ARHGEF9: variants seen among roughly 807,000 people sequenced by gnomAD.
ARHGEF9 encodes Cdc42 guanine nucleotide exchange factor 9.
Under a neutral mutation model 41.3 loss-of-function variants are expected in ARHGEF9, and 2 were observed. The ratio of observed to expected loss-of-function variants is 0.05; its 90% CI spans 0.02 to 0.15. The LOEUF is 0.15. Ranked by LOEUF, ARHGEF9 falls within the 10% of genes least tolerant of loss-of-function variation. The probability of loss-of-function intolerance (pLI) is 1.00; values close to 1 mark genes in which losing one functional copy is unlikely to be tolerated. For missense variants in ARHGEF9, 225 were observed against 424.7 expected (o/e 0.53, Z 4.13); for synonymous variants, 160 against 154.4 (o/e 1.04, Z -0.27).
intron 1 of ARHGEF9, among the ~76,000 whole-genome samples, chrX:63,732,498 G>A (rs781996086): frequency 2.7e-5 from 3 of 111,172 alleles, no homozygotes; most frequent in South Asian, 3.9e-4. Context: ...TCTCCCAACC[G>A]GCTTCCTTGG....
intron 4 of ARHGEF9, among the ~76,000 whole-genome samples, chrX:63,694,777 G>A (rs1488783225): frequency 2.7e-5 from 3 of 111,345 alleles, no homozygotes; most frequent in Non-Finnish European, 5.7e-5. Flanking sequence ...TTATTATGGT[G>A]GTTACACAAC....
intron 1 of ARHGEF9, among the ~76,000 whole-genome samples, chrX:63,732,955 C>T (rs1214171299): frequency 6.3e-5 from 7 of 111,935 alleles, no homozygotes; most frequent in Non-Finnish European, 1.1e-4. Flanking sequence ...TCTCTGATGA[C>T]TCCAGGCTGC....
chrX:63,699,855 A>G (rs1556393319), intron 3 of ARHGEF9, among the ~76,000 whole-genome samples: 2 of 112,402 alleles, frequency 1.8e-5, no homozygotes, highest in African/African-American at 6.5e-5. Context: ...ATAAAATGGT[A>G]TATCAGTGTG....
intron 1 of ARHGEF9, chrX:63,766,740 C>G (rs1394060448): frequency 5.5e-6 from 1 of 180,791 alleles, no homozygotes; most frequent in Non-Finnish European, 1.0e-5. Flanking sequence ...CCTGCATTTT[C>G]CTCACTAAAG....
At chrX:63,736,097 A>G (rs1300971709) in intron 1 of ARHGEF9, among the ~76,000 whole-genome samples, 1 of 111,811 alleles carries the variant, frequency 8.9e-6, no homozygotes, top group Non-Finnish European at 1.9e-5. Flanking sequence ...AGGGACTCAA[A>G]CTGGCTGAGC....
intron 1 of ARHGEF9, among the ~76,000 whole-genome samples, chrX:63,746,979 TA>T (rs1372150813): frequency 8.9e-6 from 1 of 112,057 alleles, no homozygotes; most frequent in Non-Finnish European, 1.9e-5. Context: ...TCACTTGTTC[TA>T]AAAGAAACCT....
chrX:63,695,530 T>C (rs782694223), intron 4 of ARHGEF9, among the ~76,000 whole-genome samples: 170 of 112,155 alleles, frequency 1.5e-3, no homozygotes, highest in African/African-American at 5.2e-3. Flanking sequence ...CAGAAGGTCA[T>C]ACACATCCTT....
intron 1 of ARHGEF9, among the ~76,000 whole-genome samples, chrX:63,766,707 G>C (rs143406933): frequency 3.3e-4 from 37 of 111,706 alleles, no homozygotes; most frequent in African/African-American, 1.2e-3. Context: ...TATGAACTGA[G>C]TGTCCCTCTC....
In ARHGEF9 at chrX:63,697,256, G is replaced by T. The variant is rs781955551; in HGVS notation, c.451C>A (p.Gln151Lys). The T allele has an allele frequency of 2.0e-5, 24 of 1,210,269 alleles. No homozygotes were observed. The highest frequency in any genetic ancestry group is 2.5e-5 in the Non-Finnish European group (22 of 894,639). Residue 151 changes from glutamine to lysine, a missense_variant, in exon 4 of 10, where the codon CAA becomes AAA. Gln to Lys is a moderately conservative substitution (Grantham distance 53). Coordinates refer to ENST00000671741, the MANE Select transcript of ARHGEF9 (RefSeq NM_001353921.2). ...RKRRDMFSDEQLKVIFGNIED... is the reference protein window; with the variant it reads ...RKRRDMFSDEKLKVIFGNIED... ...ATGTTCCCAAAGATTACCTTCAGTT[G>T]CTCGTCACTGAACATGTCCCTTCTC...
chrX:63,678,517 A>G lies in ARHGEF9; in HGVS notation c.638T>C (p.Met213Thr). ...GTCCTTCATCAGTTTGGAGAGCTCC[A>G]TGCAAGCATCCAGGTGGTTGTTACA... Reference protein sequence around the residue: ...EYCNNHLDACMELSKLMKDSR... With the variant: ...EYCNNHLDACTELSKLMKDSR... The change falls in exon 5 of 10, where the codon ATG (methionine) becomes ACG (threonine). Residue 213 changes from methionine to threonine, a missense_variant. Physicochemically the swap from Met to Thr is moderately conservative, Grantham distance 81 (BLOSUM62 -1). Around this residue, in one of 3 missense-constraint regions of ARHGEF9, gnomAD observed 114 missense variants for 197.9 expected, o/e 0.58. Transcript: ENST00000671741. 4.1e-6 allele frequency: 5 copies of G among 1,206,466 alleles called. No individual in the cohort carries two copies. The highest frequency in any genetic ancestry group is 5.6e-6 in the Non-Finnish European group (5 of 892,623).
intron 2 of ARHGEF9, among the ~76,000 whole-genome samples, chrX:63,706,841 A>G (rs2052580674): frequency 1.8e-5 from 2 of 112,304 alleles, no homozygotes; most frequent in African/African-American, 6.5e-5. Context: ...TGTCTTGAAA[A>G]CAAAGTTTAG....
chrX:63,754,913 G>C lies in ARHGEF9; in HGVS notation c.31-30202C>G, dbSNP rs1411524706. On this transcript the variant is annotated intron_variant, in intron 1 of 9. Coordinates refer to ENST00000671741, the MANE Select transcript of ARHGEF9 (RefSeq NM_001353921.2). ...ATCCTAGCTTTCAAAGGGAAAGGCG[G>C]GGGGAACCTGTGAGTGGTTCTCCGG... The C allele has an allele frequency of 5.3e-6, 5 of 938,132 alleles. No individual in the cohort carries two copies. In the African/African-American group the frequency reaches 1.0e-4, roughly 19 times the overall value. The allele number at this position is 938,132 out of a possible 1,213,427, so 77.3% of individuals were successfully genotyped here.
chrX:63,780,910 C>T (rs1556461713), intron 1 of ARHGEF9, among the ~76,000 whole-genome samples: 1 of 111,355 alleles, frequency 9.0e-6, no homozygotes, highest in African/African-American at 3.3e-5. Flanking sequence ...CCCTCTGGTA[C>T]TATATGTTCC....
At chrX:63,754,279 A>G (rs782784645) in intron 1 of ARHGEF9, 39 of 1,206,112 alleles carry the variant, frequency 3.2e-5, no homozygotes, top group Non-Finnish European at 4.1e-5. Flanking sequence ...AGACACGACA[A>G]AAGATTTAGG....
At chrX:63,767,120 C>G in intron 1 of ARHGEF9, 1 of 936,260 alleles carries the variant, frequency 1.1e-6, no homozygotes, top group Non-Finnish European at 1.5e-6. Context: ...ACACTTTCAC[C>G]ATTACAGGCC....
chrX:63,684,750 A>T (rs1457188313), intron 4 of ARHGEF9, among the ~76,000 whole-genome samples: 1 of 110,122 alleles, frequency 9.1e-6, no homozygotes, highest in Non-Finnish European at 1.9e-5. Context: ...TTACATATAC[A>T]TACAGAGACA....
At chrX:63,755,081 T>C (rs2055879845) in intron 1 of ARHGEF9, 1 of 937,570 alleles carries the variant, frequency 1.1e-6, no homozygotes, top group Non-Finnish European at 1.3e-6. Flanking sequence ...AGACACTCGT[T>C]CGATCCCTGC....
chrX:63,754,150 T>C (rs782591103), intron 1 of ARHGEF9: 1 of 613,312 alleles, frequency 1.6e-6, no homozygotes, highest in Non-Finnish European at 2.6e-6. Flanking sequence ...GCTTGCTCCA[T>C]GAACGCCACA....
At chrX:63,738,893 C>G (rs1441712809) in intron 1 of ARHGEF9, among the ~76,000 whole-genome samples, 1 of 111,183 alleles carries the variant, frequency 9.0e-6, no homozygotes, top group Non-Finnish European at 1.9e-5. Flanking sequence ...CAAAAACAAG[C>G]AAGCTAGAAA....
Sources: gnomAD v4.1 joint callset for allele counts (sites outside exome capture counted in the v4.1 genomes callset) on GRCh38, gnomAD v4.1.1 for gene constraint, gnomAD v4.1.1 regional missense constraint, MANE v1.5 for transcripts, NCBI Gene and HGNC (gene_info 2026-07-23, HGNC 2026-07-21) for gene names.